PTCHD4: variants seen among roughly 807,000 people sequenced by gnomAD.
The protein encoded by PTCHD4 is patched domain-containing protein 4.
Under a neutral mutation model 58.1 loss-of-function variants are expected in PTCHD4, and 33 were observed. That is an observed-to-expected ratio of 0.57 (90% confidence interval 0.43 to 0.76). The LOEUF (loss-of-function observed/expected upper bound fraction) is 0.76, where lower values mean the gene tolerates loss of function less well. Ranked by LOEUF, PTCHD4 falls within the 30% of genes least tolerant of loss-of-function variation. The pLI, the probability that PTCHD4 is intolerant of heterozygous loss-of-function variation, is 0.00. For synonymous variants in PTCHD4, 478 were observed against 409.6 expected (o/e 1.17, Z -2.02); for missense variants, 1,058 against 1,027.1 (o/e 1.03, Z -0.41).
intron 4 of PTCHD4, chr6:47,901,115 C>G (rs1764682313): frequency 6.7e-6 from 1 of 149,500 alleles, no homozygotes; most frequent in Non-Finnish European, 1.5e-5. Flanking sequence ...GATTGCGCCA[C>G]TGCAGTCCGC....
intron 4 of PTCHD4, among the ~76,000 whole-genome samples, chr6:47,880,728 G>T (rs1001522354): frequency 2.6e-5 from 4 of 152,254 alleles, no homozygotes; most frequent in African/African-American, 9.6e-5. Context: ...CTTTTGATAA[G>T]AGTAAGTAGG....
rs954663136 is a variant in PTCHD4 at position 47,858,295 on chromosome 6, C to T, written c.*20008G>A. On this transcript the variant is annotated 3_prime_UTR_variant, in exon 5 of 5. Coordinates refer to ENST00000339488, the MANE Select transcript of PTCHD4 (RefSeq NM_001384253.1). ...TCTGATTTGAGTTTATCATATTCAC[C>T]TTACTCCATTAATAAATTTCTTCTG... 1.1e-4 allele frequency among the ~76,000 whole-genome samples: 16 copies of T among 151,948 alleles called. No homozygotes were observed. Among genetic ancestry groups the T allele is most frequent in the African/African-American group, 2.9e-4 (12 of 41,402 alleles).
At chr6:47,957,309 T>C (rs183373985) in intron 4 of PTCHD4, among the ~76,000 whole-genome samples, 55 of 148,696 alleles carry the variant, frequency 3.7e-4, no homozygotes, top group Admixed American at 3.6e-3. Flanking sequence ...TTGTACAGAA[T>C]ACAAATTCTC....
At chr6:48,004,232 G>T (rs577890745) in intron 4 of PTCHD4, among the ~76,000 whole-genome samples, 1 of 152,274 alleles carries the variant, frequency 6.6e-6, no homozygotes, top group African/African-American at 2.4e-5. Flanking sequence ...GGAAAAATGA[G>T]TGAAAATCTG....
intron 4 of PTCHD4, among the ~76,000 whole-genome samples, chr6:47,913,778 G>T (rs1179465661): frequency 1.3e-5 from 2 of 152,158 alleles, no homozygotes; most frequent in African/African-American, 2.4e-5. Context: ...ACTGAAGAAT[G>T]CTGGAGGAGG....
At chr6:47,991,547 G>C (rs777806237) in intron 4 of PTCHD4, among the ~76,000 whole-genome samples, 1 of 151,948 alleles carries the variant, frequency 6.6e-6, no homozygotes. Flanking sequence ...GTTAAACAGC[G>C]GTAAATATGT....
chr6:48,086,323 A>C (rs1033332050), intron 1 of PTCHD4, among the ~76,000 whole-genome samples: 1 of 152,218 alleles, frequency 6.6e-6, no homozygotes, highest in Non-Finnish European at 1.5e-5. Context: ...TTACCTTGAC[A>C]ATTTAAAGAA....
intron 4 of PTCHD4, among the ~76,000 whole-genome samples, chr6:47,960,268 CTATA>C (rs1767029936): frequency 6.6e-6 from 1 of 151,872 alleles, no homozygotes; most frequent in African/African-American, 2.4e-5. Flanking sequence ...CAAAAGCACT[CTATA>C]TATGCTGATA....
chr6:47,906,767 T>G (rs1401740614), intron 4 of PTCHD4, among the ~76,000 whole-genome samples: 3 of 152,124 alleles, frequency 2.0e-5, no homozygotes, highest in Non-Finnish European at 1.5e-5. Flanking sequence ...TTTTGCACAG[T>G]TTGGATATAA....
chr6:47,962,195 CA>C (rs534290947), intron 4 of PTCHD4, among the ~76,000 whole-genome samples: 2 of 151,746 alleles, frequency 1.3e-5, no homozygotes, highest in East Asian at 3.9e-4. Flanking sequence ...ATTTATACCA[CA>C]AAAAAAATTC....
chr6:48,094,274 G>A (rs988260144), intron 1 of PTCHD4, among the ~76,000 whole-genome samples: 3 of 152,112 alleles, frequency 2.0e-5, no homozygotes, highest in Non-Finnish European at 4.4e-5. Flanking sequence ...ACAACCAGAG[G>A]ACTAATTTGT....
At chr6:47,885,630 T>A (rs969921313) in intron 4 of PTCHD4, among the ~76,000 whole-genome samples, 1 of 152,178 alleles carries the variant, frequency 6.6e-6, no homozygotes, top group African/African-American at 2.4e-5. Flanking sequence ...CTTCTAGTAA[T>A]CATTCTCCAA....
chr6:47,905,079 A>ACACACACT (rs1163514067), intron 4 of PTCHD4, among the ~76,000 whole-genome samples: 3 of 151,888 alleles, frequency 2.0e-5, no homozygotes, highest in Non-Finnish European at 4.4e-5. Context: ...ACACACACAC[A>ACACACACT]CACACATAAA....
chr6:48,041,581 C>A (rs1172301028), intron 3 of PTCHD4, among the ~76,000 whole-genome samples: 2 of 151,954 alleles, frequency 1.3e-5, no homozygotes, highest in Non-Finnish European at 2.9e-5. Flanking sequence ...GGTTACTGAT[C>A]GCCGCAGTTA....
rs1415958370 is a variant in PTCHD4 at position 47,860,496 on chromosome 6, G to A, written c.*17807C>T. 1.3e-5 allele frequency among the ~76,000 whole-genome samples: 2 copies of A among 151,964 alleles called. No individual in the cohort carries two copies. The highest frequency in any genetic ancestry group is 2.9e-5 in the Non-Finnish European group (2 of 67,936). On this transcript the variant is annotated 3_prime_UTR_variant, in exon 5 of 5. Coordinates refer to ENST00000339488, the MANE Select transcript of PTCHD4 (RefSeq NM_001384253.1). The stretch of plus-strand genomic sequence containing the variant: ...ACATCATTGCTTATCCCAACTTAGA[G>A]CTTATACCTATACATCTGTAGATCT...
At chr6:47,931,162 G>T (rs973500169) in intron 4 of PTCHD4, among the ~76,000 whole-genome samples, 3 of 152,200 alleles carry the variant, frequency 2.0e-5, no homozygotes, top group Non-Finnish European at 4.4e-5. Flanking sequence ...CACCCAAAGC[G>T]TTCCTGAATG....
intron 4 of PTCHD4, among the ~76,000 whole-genome samples, chr6:47,943,030 T>A (rs1391103067): frequency 6.6e-6 from 1 of 152,232 alleles, no homozygotes; most frequent in Non-Finnish European, 1.5e-5. Context: ...AAACTTGTTC[T>A]AGTTAATTAG....
At chr6:47,962,684 C>T (rs541517929) in intron 4 of PTCHD4, among the ~76,000 whole-genome samples, 2 of 152,144 alleles carry the variant, frequency 1.3e-5, no homozygotes, top group African/African-American at 2.4e-5. Flanking sequence ...GCCTCCTCAG[C>T]CATGCTGAAC....
intron 4 of PTCHD4, among the ~76,000 whole-genome samples, chr6:47,942,239 G>A (rs1175078071): frequency 6.6e-6 from 1 of 152,180 alleles, no homozygotes; most frequent in Admixed American, 6.5e-5. Context: ...CTGGGGAGTT[G>A]CAAATACATC....
Sources: allele counts gnomAD v4.1 joint callset (sites outside exome capture counted in the v4.1 genomes callset), GRCh38; gene constraint gnomAD v4.1.1; transcripts MANE v1.5; gene names NCBI Gene and HGNC (gene_info 2026-07-23, HGNC 2026-07-21).